Variants in TMPRSS11A observed in about 807,000 individuals in gnomAD.
The protein encoded by TMPRSS11A is transmembrane protease serine 11A.
In TMPRSS11A, 53 loss-of-function variants were observed where a neutral mutation model predicts 58.9. That is an observed-to-expected ratio of 0.90 (90% CI 0.72 to 1.13). The LOEUF is 1.13. TMPRSS11A is among the 50% of genes most tolerant of loss of function. TMPRSS11A has a pLI of 0.00. For synonymous variants in TMPRSS11A, 167 were observed against 169.8 expected (o/e 0.98, Z 0.13); for missense variants, 493 against 499.3 (o/e 0.99, Z 0.12).
chr4:67,955,117 G>C (rs1009286672), intron 1 of TMPRSS11A, among the ~76,000 whole-genome samples: 1 of 152,178 alleles, frequency 6.6e-6, no homozygotes, highest in African/African-American at 2.4e-5. Context: ...ATAGGAGGGA[G>C]TTTAGATAGG....
At chr4:67,959,289 AC>A (rs1721366818) in intron 1 of TMPRSS11A, among the ~76,000 whole-genome samples, 1 of 148,582 alleles carries the variant, frequency 6.7e-6, no homozygotes, top group Admixed American at 6.8e-5. Context: ...CTTAACATCA[AC>A]CCTGGTGAAG....
At chr4:67,953,969 G>T (rs542631189) in intron 1 of TMPRSS11A, among the ~76,000 whole-genome samples, 1 of 152,238 alleles carries the variant, frequency 6.6e-6, no homozygotes, top group Non-Finnish European at 1.5e-5. Context: ...ATATGAGTAG[G>T]GGTGAGGTGG....
At chr4:67,917,478 T>A (rs1720191291) in intron 8 of TMPRSS11A, among the ~76,000 whole-genome samples, 1 of 152,208 alleles carries the variant, frequency 6.6e-6, no homozygotes, top group South Asian at 2.1e-4. Flanking sequence ...AATTTCAATT[T>A]TAAAAAACTT....
intron 3 of TMPRSS11A, among the ~76,000 whole-genome samples, chr4:67,933,281 T>C (rs1262147320): frequency 6.6e-6 from 1 of 152,182 alleles, no homozygotes; most frequent in African/African-American, 2.4e-5. Flanking sequence ...TCATTCCTGT[T>C]AGAAATCTGT....
intron 1 of TMPRSS11A, among the ~76,000 whole-genome samples, chr4:67,947,485 T>C (rs1353931805): frequency 1.3e-5 from 2 of 152,230 alleles, no homozygotes; most frequent in Non-Finnish European, 2.9e-5. Flanking sequence ...AATGCTTTCC[T>C]GTGGTATTAT....
intron 8 of TMPRSS11A, among the ~76,000 whole-genome samples, chr4:67,915,642 C>T (rs767883508): frequency 2.6e-5 from 4 of 152,174 alleles, no homozygotes; most frequent in Admixed American, 6.5e-5. Context: ...TCAAAAAGGG[C>T]GAGCCTTGCT....
rs1234741191 is a variant in TMPRSS11A at position 67,929,987 on chromosome 4, G to C, written c.374C>G (p.Ser125Cys). ...CTCTCTTACTGCCCTTTGTTCAGTA[G>C]AGGGGAACTGGAACACCATAATGAC... ...VDVIMVFQFP[S>C]TEQRAVREKK... is the part of the protein sequence containing the mutation. Residue 125 changes from serine (S) to cysteine (C), a missense_variant, in exon 5 of 10, where the codon TCT becomes TGT. Ser to Cys is a moderately radical substitution (Grantham distance 112, BLOSUM62 -1). Coordinates refer to ENST00000508048, the MANE Select transcript of TMPRSS11A (RefSeq NM_001114387.2). 6.2e-7 allele frequency: 1 copy of C among 1,613,626 alleles called. No homozygotes were observed. Among genetic ancestry groups the C allele is most frequent in the Admixed American group, 1.7e-5 (1 of 59,996 alleles).
intron 1 of TMPRSS11A, among the ~76,000 whole-genome samples, chr4:67,948,717 C>A (rs556275028): frequency 6.6e-6 from 1 of 152,264 alleles, no homozygotes; most frequent in South Asian, 2.1e-4. Context: ...GAACAACAAA[C>A]AGAAGTCCCA....
chr4:67,939,783 G>C (rs1193790687), intron 3 of TMPRSS11A, among the ~76,000 whole-genome samples: 2 of 152,082 alleles, frequency 1.3e-5, no homozygotes, highest in Non-Finnish European at 2.9e-5. Context: ...CTGCCTCCTG[G>C]GTTCAAGTGA....
At chr4:67,930,105 C>G in intron 4 of TMPRSS11A, 65 bp from the exon 5 acceptor site, 1 of 1,438,750 alleles carries the variant, frequency 7.0e-7, no homozygotes, top group Non-Finnish European at 9.5e-7. Flanking sequence ...TCAGTCTTAC[C>G]TGTATCTTCC....
chr4:67,959,650 A>G (rs1459711829), intron 1 of TMPRSS11A, among the ~76,000 whole-genome samples: 3 of 152,204 alleles, frequency 2.0e-5, no homozygotes, highest in African/African-American at 7.2e-5. Context: ...CAGAATGGCT[A>G]CTATTAAAGA....
chr4:67,921,733 A>G (rs1720336341), intron 7 of TMPRSS11A, among the ~76,000 whole-genome samples: 1 of 152,248 alleles, frequency 6.6e-6, no homozygotes, highest in Non-Finnish European at 1.5e-5. Flanking sequence ...GAATGTGAAA[A>G]GATCTAGCCT....
Position 67,918,957 on chromosome 4 carries a change from A to C in TMPRSS11A, c.952+16T>G, listed in dbSNP as rs1183530761. On this transcript the variant is annotated intron_variant, in intron 8 of 9. Transcript: ENST00000508048. ...GACAGGGCTTAGCGCTCTGTTAGCT[A>C]TCCTGAGATACCCACCACCATAGTA... The C allele has an allele frequency of 1.2e-6, 2 of 1,613,752 alleles. No homozygotes were observed. The highest frequency in any genetic ancestry group is 1.1e-5 in the South Asian group (1 of 91,066).
At position 67,914,658 on chromosome 4, in the gene TMPRSS11A, A is replaced by G. The variant is rs769209410; in HGVS notation, c.1025T>C (p.Val342Ala). 1.9e-6 allele frequency: 3 copies of G among 1,612,982 alleles called. No individual in the cohort carries two copies. In the East Asian group the frequency reaches 6.7e-5, roughly 36 times the overall value. ...ISDDVCKQPQVYGNDIKPGMF... is the reference protein window; with the variant it reads ...ISDDVCKQPQAYGNDIKPGMF... ...TCCAGGTTTTATATCATTGCCATAC[A>G]CCTGTGGTTGCTTGCAGACATCATC... Residue 342 changes from valine (V) to alanine (A), a missense_variant, in exon 9 of 10, where the codon GTG becomes GCG. Coordinates refer to ENST00000508048, the MANE Select transcript of TMPRSS11A (RefSeq NM_001114387.2).
At chr4:67,935,393 G>T (rs1720726681) in intron 3 of TMPRSS11A, among the ~76,000 whole-genome samples, 1 of 152,058 alleles carries the variant, frequency 6.6e-6, no homozygotes, top group African/African-American at 2.4e-5. Context: ...ATCCTTCAAG[G>T]CCAATCTCAG....
intron 5 of TMPRSS11A, among the ~76,000 whole-genome samples, chr4:67,929,182 A>G (rs1424458433): frequency 7.9e-5 from 12 of 152,172 alleles, no homozygotes; most frequent in Non-Finnish European, 1.5e-5. Context: ...ATAAAGGTGA[A>G]TTTGCGTACG....
intron 8 of TMPRSS11A, among the ~76,000 whole-genome samples, chr4:67,917,799 A>G (rs1447325403): frequency 6.6e-6 from 1 of 152,170 alleles, no homozygotes; most frequent in Non-Finnish European, 1.5e-5. Flanking sequence ...TCCCACCACT[A>G]TGAAGCAGAG....
intron 1 of TMPRSS11A, among the ~76,000 whole-genome samples, chr4:67,947,597 C>T (rs556089753): frequency 6.6e-6 from 1 of 152,250 alleles, no homozygotes; most frequent in South Asian, 2.1e-4. Context: ...ATTCATTTGG[C>T]AAGAATACTT....
rs2109747849 is a variant in TMPRSS11A, at chr4:67,930,043, G to A, written c.321-3C>T. 2 of 1,601,046 alleles carry A rather than the reference G, an allele frequency of 1.2e-6. No homozygotes were observed. Among genetic ancestry groups the A allele is most frequent in the Non-Finnish European group, 1.7e-6 (2 of 1,171,734 alleles). ...CTTTCACACCATCTTCCTCTGGACT[G>A]TGACACACAAAAGAAAGGTACATTT... is the stretch of plus-strand genomic sequence containing the variant. On this transcript the variant is annotated splice_polypyrimidine_tract_variant and splice_region_variant and intron_variant, in intron 4 of 9. Coordinates refer to ENST00000508048, the MANE Select transcript of TMPRSS11A (RefSeq NM_001114387.2).
Sources: allele counts gnomAD v4.1 joint callset (sites outside exome capture counted in the v4.1 genomes callset), GRCh38; gene constraint gnomAD v4.1.1; transcripts MANE v1.5; gene names NCBI Gene and HGNC (gene_info 2026-07-23, HGNC 2026-07-21).